The following NECAB2 variants were observed in gnomAD, a reference collection of about 807,000 sequenced individuals.
NECAB2 encodes N-terminal EF-hand calcium-binding protein 2.
In NECAB2, 68 loss-of-function variants were observed where a neutral mutation model predicts 51.9. The ratio of observed to expected loss-of-function variants is 1.31; its 90% CI spans 1.08 to 1.60. The LOEUF is 1.60. Ranked by LOEUF, NECAB2 falls within the 40% of genes most tolerant of loss-of-function variation. The pLI is 0.00. For missense variants in NECAB2, 854 were observed against 490.3 expected (o/e 1.74, Z -7.00); for synonymous variants, 329 against 203.5 (o/e 1.62, Z -5.25).
intron 9 of NECAB2, 150 bp downstream of exon 9, chr16:83,997,419 C>G (rs369688150): frequency 2.1e-6 from 2 of 964,438 alleles, no homozygotes; most frequent in East Asian, 2.7e-5. Context: ...CACCCAGACC[C>G]TGCCCTGGCA....
chr16:83,971,945 G>T (rs2084352117), intron 1 of NECAB2: 2 of 649,244 alleles, frequency 3.1e-6, no homozygotes, highest in Non-Finnish European at 5.2e-6. Context: ...TTCCACGTGG[G>T]TGAGGGGAGG....
chr16:83,996,047 G>T (rs1314962238), intron 8 of NECAB2, among the ~76,000 whole-genome samples: 1 of 152,226 alleles, frequency 6.6e-6, no homozygotes, highest in South Asian at 2.1e-4. Context: ...ACTGGCCCGG[G>T]CGGTCAGCAG....
At chr16:83,985,517 C>T (rs1259917945) in intron 5 of NECAB2, among the ~76,000 whole-genome samples, 2 of 150,470 alleles carry the variant, frequency 1.3e-5, no homozygotes, top group East Asian at 2.0e-4. Context: ...TGTGTAATCC[C>T]AGCTACTTGG....
intron 2 of NECAB2, among the ~76,000 whole-genome samples, chr16:83,972,690 C>T (rs1443487186): frequency 2.6e-5 from 4 of 152,188 alleles, no homozygotes; most frequent in Admixed American, 6.5e-5. Flanking sequence ...ATGAAGGAAA[C>T]GGAGGCTCTC....
chr16:83,965,894 G>A (rs1258145467), upstream of NECAB2: 3 of 1,612,750 alleles, frequency 1.9e-6, no homozygotes, highest in Admixed American at 1.7e-5. Flanking sequence ...CCGCCAGGAG[G>A]GCCTGTACGC....
chr16:84,002,304 C>T lies in NECAB2; in HGVS notation c.1133-14C>T. The T allele has an allele frequency of 6.2e-7, 1 of 1,613,820 alleles. No homozygotes were observed. Among genetic ancestry groups the T allele is most frequent in the Non-Finnish European group, 8.5e-7 (1 of 1,179,804 alleles). ...TTCGCACTCCTTCCCTCTAACGTGT[C>T]TCTCTCCTTTTAGCTGCTTGGTGCA... is the stretch of plus-strand genomic sequence containing the variant. On this transcript the variant is annotated splice_polypyrimidine_tract_variant and intron_variant, in intron 12 of 12. Coordinates refer to ENST00000305202, the MANE Select transcript of NECAB2 (RefSeq NM_019065.3).
chr16:83,987,955 A>T (rs1017701783), intron 5 of NECAB2, among the ~76,000 whole-genome samples: 1 of 152,230 alleles, frequency 6.6e-6, no homozygotes, highest in Admixed American at 6.5e-5. Context: ...CGTCTTTGTT[A>T]TAACTTTATG....
At chr16:83,977,873 C>T (rs186616459) in intron 2 of NECAB2, among the ~76,000 whole-genome samples, 2 of 152,248 alleles carry the variant, frequency 1.3e-5, no homozygotes, top group African/African-American at 4.8e-5. Context: ...GGCTTAGGGG[C>T]TGGGATTGGG....
chr16:83,975,390 G>A (rs1394782595), intron 2 of NECAB2, among the ~76,000 whole-genome samples: 8 of 152,190 alleles, frequency 5.3e-5, no homozygotes, highest in South Asian at 2.1e-4. Flanking sequence ...CAGATGTGGA[G>A]GCCGATAGGC....
chr16:83,965,695 G>C (rs1174982583), upstream of NECAB2: 2 of 1,613,662 alleles, frequency 1.2e-6, no homozygotes, highest in East Asian at 4.5e-5. Flanking sequence ...AAGACTGCCA[G>C]GCCGTGTTCC....
At chr16:83,966,840 T>C (rs2151081215), upstream of NECAB2, among the ~76,000 whole-genome samples, 1 of 152,318 alleles carries the variant, frequency 6.6e-6, no homozygotes, top group East Asian at 1.9e-4. Flanking sequence ...AATACTCCTT[T>C]CATGGTCTAA....
intron 5 of NECAB2, among the ~76,000 whole-genome samples, chr16:83,988,726 G>C (rs1480773655): frequency 6.6e-6 from 1 of 152,172 alleles, no homozygotes; most frequent in Non-Finnish European, 1.5e-5. Context: ...AGATCTCCCA[G>C]TTGTTCTACA....
Position 84,001,806 on chromosome 16 carries a change from A to G in NECAB2, c.1041-19A>G. 1.2e-6 allele frequency: 2 copies of G among 1,613,510 alleles called. No homozygotes were observed. Among genetic ancestry groups the G allele is most frequent in the Non-Finnish European group, 1.7e-6 (2 of 1,179,584 alleles). On this transcript the variant is annotated intron_variant, in intron 11 of 12. Coordinates refer to ENST00000305202, the MANE Select transcript of NECAB2 (RefSeq NM_019065.3). ...TCCACTCCTGCCACCCCTGACTCACACATGTCCCTGCGTCACAGGCACCTG... is the reference window on the plus strand; with the variant it reads ...TCCACTCCTGCCACCCCTGACTCACGCATGTCCCTGCGTCACAGGCACCTG...
intron 6 of NECAB2, 82 bp downstream of exon 6, chr16:83,990,712 CTG>C (rs1428719621): frequency 6.2e-5 from 97 of 1,556,346 alleles, no homozygotes; most frequent in Middle Eastern, 2.1e-4. Context: ...GTGGGGATGT[CTG>C]TGTACCTAAG....
intron 1 of NECAB2, chr16:83,971,875 C>G (rs551820176): frequency 2.6e-5 from 15 of 582,912 alleles, no homozygotes; most frequent in East Asian, 1.7e-4. Flanking sequence ...CAGGGATGGC[C>G]GTGGGCCTGC....
chr16:83,974,748 T>TTGGTGTGGGTATAGATAGGGGAG (rs1365256600), intron 2 of NECAB2, among the ~76,000 whole-genome samples: 29 of 152,114 alleles, frequency 1.9e-4, no homozygotes, highest in African/African-American at 6.0e-4. Context: ...GGGATGGGAC[T>TTGGTGTGGGTATAGATAGGGGAG]TGGTGTGGGT....
intron 10 of NECAB2, among the ~76,000 whole-genome samples, chr16:84,000,094 G>A (rs528485005): frequency 3.2e-4 from 48 of 151,504 alleles, no homozygotes; most frequent in African/African-American, 1.1e-3. Flanking sequence ...GTTTTGCCAT[G>A]TTGGCTAGGC....
intron 1 of NECAB2, chr16:83,971,777 G>A (rs2084349433): frequency 5.4e-6 from 2 of 372,796 alleles, no homozygotes; most frequent in Non-Finnish European, 9.8e-6. Flanking sequence ...GCGCTCCCTG[G>A]GACACTGATT....
rs114565868 is a variant in NECAB2, at chr16:83,996,679, A to G, written c.796-537A>G. On this transcript the variant is annotated intron_variant, in intron 8 of 12. Transcript: ENST00000305202. ...CAGAGCCGGGGTTCTCTGCCGTGAC[A>G]TAGTGACTGTTGATCTTCTGTGGGG... 5.1e-3 allele frequency among the ~76,000 whole-genome samples: 783 copies of G among 152,274 alleles called. 8 individuals are homozygous for G. Among genetic ancestry groups the G allele is most frequent in the African/African-American group, 0.018 (743 of 41,554 alleles).
Sources: gnomAD v4.1 joint callset for allele counts (sites outside exome capture counted in the v4.1 genomes callset) on GRCh38, gnomAD v4.1.1 for gene constraint, MANE v1.5 for transcripts, NCBI Gene and HGNC (gene_info 2026-07-23, HGNC 2026-07-21) for gene names.